SLC38A11: variants seen among roughly 807,000 people sequenced by gnomAD.
The protein encoded by SLC38A11 is putative sodium-coupled neutral amino acid transporter 11.
Under a neutral mutation model 49.4 loss-of-function variants are expected in SLC38A11, and 51 were observed. That is an observed-to-expected ratio of 1.03 (90% CI 0.83 to 1.30). The LOEUF (loss-of-function observed/expected upper bound fraction) is 1.30, where lower values mean the gene tolerates loss of function less well. Among genes scored for constraint, SLC38A11 ranks in the 50% most tolerant of loss-of-function variants. The pLI is 0.00. For synonymous variants in SLC38A11, 203 were observed against 192.9 expected, an observed-to-expected ratio of 1.05 and a Z score of -0.43; for missense variants, 574 against 556.2, an observed-to-expected ratio of 1.03 and a Z score of -0.32.
chr2:164,934,245 T>C (rs551280599), intron 7 of SLC38A11, among the ~76,000 whole-genome samples: 25 of 152,256 alleles, frequency 1.6e-4, no homozygotes, highest in African/African-American at 5.5e-4. Flanking sequence ...CACATGACAC[T>C]TTGTACATAA....
At chr2:164,943,538 A>T (rs1327638488) in intron 5 of SLC38A11, among the ~76,000 whole-genome samples, 2 of 152,236 alleles carry the variant, frequency 1.3e-5, no homozygotes, top group Admixed American at 1.3e-4. Flanking sequence ...GGCATTCTGA[A>T]AAAAGCAAAA....
chr2:164,922,280 A>G (rs1686255990), intron 7 of SLC38A11: 1 of 152,160 alleles, frequency 6.6e-6, no homozygotes, highest in Non-Finnish European at 1.5e-5. Flanking sequence ...CAGAGTCTGC[A>G]TTTTTGTTGT....
chr2:164,933,647 A>G (rs1687162794), intron 7 of SLC38A11, among the ~76,000 whole-genome samples: 1 of 152,148 alleles, frequency 6.6e-6, no homozygotes, highest in African/African-American at 2.4e-5. Flanking sequence ...TAAAAGACCT[A>G]TGAAAAAACC....
intron 7 of SLC38A11, 105 bp from the exon 8 acceptor site, chr2:164,916,078 G>T: frequency 1.4e-6 from 1 of 712,242 alleles, no homozygotes; most frequent in Non-Finnish European, 2.4e-6. Context: ...GTGTCTTTAA[G>T]CCAGAAATTA....
intron 7 of SLC38A11, among the ~76,000 whole-genome samples, chr2:164,925,011 G>A (rs2105477087): frequency 6.6e-6 from 1 of 152,288 alleles, no homozygotes; most frequent in African/African-American, 2.4e-5. Flanking sequence ...CTCCCAAAGT[G>A]CTGGGATTAC....
chr2:164,927,646 C>T (rs996554408), intron 7 of SLC38A11, among the ~76,000 whole-genome samples: 1 of 152,108 alleles, frequency 6.6e-6, no homozygotes, highest in Admixed American at 6.6e-5. Flanking sequence ...TATCTTCCAA[C>T]CTGTCCCTAC....
intron 11 of SLC38A11, 59 bp from the exon 12 acceptor site, chr2:164,898,789 G>C: frequency 6.7e-7 from 1 of 1,498,868 alleles, no homozygotes; most frequent in South Asian, 1.3e-5. Context: ...TCTTCGGACA[G>C]CTTTTAAAAG....
chr2:164,900,944 T>G (rs1371938254), intron 11 of SLC38A11, among the ~76,000 whole-genome samples: 1 of 152,110 alleles, frequency 6.6e-6, no homozygotes, highest in Non-Finnish European at 1.5e-5. Context: ...GGGCCTTACA[T>G]TTAGGTATCT....
At chr2:164,951,589 C>T (rs564125945) in intron 3 of SLC38A11, among the ~76,000 whole-genome samples, 5 of 152,238 alleles carry the variant, frequency 3.3e-5, no homozygotes, top group African/African-American at 1.2e-4. Flanking sequence ...CTATTTCATG[C>T]TTTACTCTGT....
chr2:164,937,520 C>T, intron 6 of SLC38A11, 91 bp from the exon 7 acceptor site: 1 of 845,322 alleles, frequency 1.2e-6, no homozygotes, highest in South Asian at 1.5e-5. Flanking sequence ...ATTGGGTAAA[C>T]TTACATATAG....
chr2:164,933,011 T>C (rs1687112826), intron 7 of SLC38A11, among the ~76,000 whole-genome samples: 1 of 151,974 alleles, frequency 6.6e-6, no homozygotes, highest in Admixed American at 6.6e-5. Context: ...ATGTGTAGCA[T>C]AAAACTGCAG....
chr2:164,919,280 T>A (rs543445031), intron 7 of SLC38A11, among the ~76,000 whole-genome samples: 1 of 152,018 alleles, frequency 6.6e-6, no homozygotes, highest in African/African-American at 2.4e-5. Flanking sequence ...CAGTGAGCCA[T>A]GATCACCCCA....
chr2:164,902,736 T>A (rs1237156976), intron 11 of SLC38A11, among the ~76,000 whole-genome samples: 1 of 152,156 alleles, frequency 6.6e-6, no homozygotes, highest in African/African-American at 2.4e-5. Flanking sequence ...AATCTCTCCA[T>A]ACCAGAAATA....
chr2:164,946,032 T>G (rs1170668869), intron 3 of SLC38A11, among the ~76,000 whole-genome samples: 1 of 152,182 alleles, frequency 6.6e-6, no homozygotes, highest in Non-Finnish European at 1.5e-5. Flanking sequence ...ACTTTCCTGA[T>G]GTAACCAATG....
chr2:164,929,264 C>T lies in SLC38A11; in HGVS notation c.617+8086G>A, dbSNP rs758999845. Among the ~76,000 whole-genome samples the T allele has an allele frequency of 9.9e-5, 15 of 152,112 alleles. No homozygotes were observed. The East Asian group carries it at 1.5e-3, about 16-fold the overall frequency. Reference sequence around the variant, plus strand: ...AGTTTGCACCCTGCAATGGCTACTCCGCCTTCTGTTGGCATCACTGTCCTT... The same window carrying T: ...AGTTTGCACCCTGCAATGGCTACTCTGCCTTCTGTTGGCATCACTGTCCTT... On this transcript the variant is annotated intron_variant, in intron 7 of 11. Coordinates refer to ENST00000685975, the MANE Select transcript of SLC38A11 (RefSeq NM_001351537.2).
chr2:164,944,474 T>C (rs1687977642), intron 5 of SLC38A11, 95 bp downstream of exon 5: 1 of 504,174 alleles, frequency 2.0e-6, no homozygotes, highest in Non-Finnish European at 3.1e-6. Context: ...AATTTCACTT[T>C]CAAATTTTTT....
At position 164,896,503 on chromosome 2, in the gene SLC38A11, A is replaced by C. The variant is rs770754371; in HGVS notation, c.*1934T>G. The C allele has an allele frequency of 9.9e-5, 15 of 152,186 alleles. No homozygotes were observed. Among genetic ancestry groups the C allele is most frequent in the Non-Finnish European group, 1.6e-4 (11 of 68,018 alleles). 9.4% of individuals were successfully genotyped at this position (152,186 alleles called of 1,614,324 possible). ...ATAATTATGTAGGTCAGTGTTTCTC[A>C]GTCTTGAGCAATGTAATGACAGACT... On this transcript the variant is annotated 3_prime_UTR_variant, in exon 12 of 12. Coordinates refer to ENST00000685975, the MANE Select transcript of SLC38A11 (RefSeq NM_001351537.2).
intron 7 of SLC38A11, among the ~76,000 whole-genome samples, chr2:164,932,128 C>T (rs907240925): frequency 1.6e-4 from 25 of 151,846 alleles, no homozygotes; most frequent in Admixed American, 5.3e-4. Flanking sequence ...CTTCAAAAGA[C>T]GTAATTGTGA....
chr2:164,932,988 C>G (rs1687111373), intron 7 of SLC38A11, among the ~76,000 whole-genome samples: 1 of 151,964 alleles, frequency 6.6e-6, no homozygotes. Context: ...TTAACCCCCT[C>G]TAGTTCTTCT....
Sources: gnomAD v4.1 joint callset for allele counts (sites outside exome capture counted in the v4.1 genomes callset) on GRCh38, gnomAD v4.1.1 for gene constraint, MANE v1.5 for transcripts, NCBI Gene and HGNC (gene_info 2026-07-23, HGNC 2026-07-21) for gene names.